USP32: variants seen among roughly 807,000 people sequenced by gnomAD.
USP32 encodes the protein ubiquitin specific peptidase 32, also known as ubiquitin carboxyl-terminal hydrolase 32.
USP32 carries 59 observed loss-of-function variants against 204.8 expected under a neutral mutation model. The observed-to-expected ratio is 0.29, with a 90% confidence interval of 0.23 to 0.36. USP32 has a LOEUF of 0.36. USP32 is among the 10% of genes least tolerant of loss of function. The probability of loss-of-function intolerance (pLI) is 1.00; values close to 1 mark genes in which losing one functional copy is unlikely to be tolerated. For synonymous variants in USP32, 517 were observed against 678.4 expected (o/e 0.76, Z 3.70); for missense variants, 1,160 against 1,946.4 (o/e 0.60, Z 7.60).
chr17:60,382,410 C>A (rs552235204), intron 1 of USP32, among the ~76,000 whole-genome samples: 2 of 152,272 alleles, frequency 1.3e-5, no homozygotes, highest in African/African-American at 4.8e-5. Flanking sequence ...AACCACCATG[C>A]CCAGCTAACA....
intron 26 of USP32, among the ~76,000 whole-genome samples, chr17:60,200,326 C>A (rs989333068): frequency 9.2e-5 from 14 of 152,058 alleles, no homozygotes; most frequent in Non-Finnish European, 1.6e-4. Context: ...CTTTGGGAGG[C>A]CAAGGTGGGT....
At position 60,250,959 on chromosome 17, in the gene USP32, T is replaced by A. The variant is rs571086790; in HGVS notation, c.1136+1422A>T. Reference sequence around the variant, plus strand: ...TTATTCCTTTCTTTTCTTTTTTTTTTTTTGAGAGAGTCTCACATTGTCACC... The same window carrying A: ...TTATTCCTTTCTTTTCTTTTTTTTTATTTGAGAGAGTCTCACATTGTCACC... On this transcript the variant is annotated intron_variant, in intron 11 of 33. Coordinates refer to ENST00000300896, the MANE Select transcript of USP32 (RefSeq NM_032582.4). Among the ~76,000 whole-genome samples the A allele has an allele frequency of 2.6e-5, 4 of 151,982 alleles. No individual in the cohort carries two copies. The South Asian group carries it at 8.3e-4, about 32-fold the overall frequency.
intron 1 of USP32, among the ~76,000 whole-genome samples, chr17:60,416,002 G>A (rs1346475111): frequency 6.6e-6 from 1 of 152,028 alleles, no homozygotes; most frequent in Non-Finnish European, 1.5e-5. Context: ...ACCACGCCCA[G>A]CTAATTTTTG....
chr17:60,343,413 C>T (rs2088707660), intron 2 of USP32, among the ~76,000 whole-genome samples: 1 of 152,138 alleles, frequency 6.6e-6, no homozygotes, highest in Non-Finnish European at 1.5e-5. Context: ...TAAAGCACTC[C>T]TCAGAAATGT....
At chr17:60,369,156 G>C (rs528254704) in intron 1 of USP32, among the ~76,000 whole-genome samples, 4 of 142,752 alleles carry the variant, frequency 2.8e-5, no homozygotes, top group African/African-American at 1.2e-4. Context: ...CACTACGCCC[G>C]GCTAATTTTT....
chr17:60,183,121 C>G, intron 31 of USP32, 44 bp downstream of exon 31: 2 of 1,549,516 alleles, frequency 1.3e-6, no homozygotes. Context: ...ATGTAGCCTA[C>G]AGGAGTCCCA....
At chr17:60,354,300 A>T (rs571228923) in intron 1 of USP32, among the ~76,000 whole-genome samples, 1 of 152,264 alleles carries the variant, frequency 6.6e-6, no homozygotes, top group East Asian at 1.9e-4. Context: ...CTATTTCTTT[A>T]AGACAGCCAA....
At chr17:60,197,268 G>A (rs190209909) in intron 27 of USP32, among the ~76,000 whole-genome samples, 6 of 151,750 alleles carry the variant, frequency 4.0e-5, no homozygotes, top group South Asian at 2.1e-4. Context: ...ACTTTTTTTA[G>A]TTACCATAAA....
chr17:60,331,822 T>C (rs1259416891), intron 2 of USP32, among the ~76,000 whole-genome samples: 1 of 148,506 alleles, frequency 6.7e-6, no homozygotes, highest in African/African-American at 2.5e-5. Context: ...CACTTGAGCT[T>C]GGGGAGGTCA....
intron 1 of USP32, among the ~76,000 whole-genome samples, chr17:60,379,456 A>C (rs1161231090): frequency 6.6e-6 from 1 of 152,160 alleles, no homozygotes; most frequent in Non-Finnish European, 1.5e-5. Context: ...TACCCTTTCA[A>C]AAGTTTAGCT....
chr17:60,334,426 T>C (rs1207773259), intron 2 of USP32, among the ~76,000 whole-genome samples: 1 of 152,192 alleles, frequency 6.6e-6, no homozygotes, highest in East Asian at 1.9e-4. Context: ...TTCTAAGCCA[T>C]GCGGCTCATC....
At position 60,205,609 on chromosome 17, in the gene USP32, A is replaced by G. The variant is rs1171163214; in HGVS notation, c.3087T>C (p.Asn1029=). 7 of 1,613,970 alleles carry G rather than the reference A, an allele frequency of 4.3e-6. No homozygotes were observed. Among genetic ancestry groups the G allele is most frequent in the South Asian group, 1.1e-5 (1 of 91,076 alleles). ...TGAATATTGGTCGGGGTAGGTCCCC[A>G]TTGGTAGTTAGGGTGAACATTTCAT... ...STNEMFTLTT[N]GDLPRPIFIP... is the part of the protein sequence containing the mutation. Residue 1029 remains asparagine (N), a synonymous_variant, in exon 26 of 34, where the codon AAT becomes AAC. Transcript: ENST00000300896.
At chr17:60,200,079 A>C (rs1330905606) in intron 26 of USP32, among the ~76,000 whole-genome samples, 2 of 152,144 alleles carry the variant, frequency 1.3e-5, no homozygotes, top group African/African-American at 2.4e-5. Context: ...CTGTAGTCCC[A>C]GCTACTCGGG....
chr17:60,216,803 G>A (rs2668995), intron 16 of USP32, among the ~76,000 whole-genome samples: 3 of 150,576 alleles, frequency 2.0e-5, no homozygotes, highest in South Asian at 2.1e-4. Context: ...ATCAGTTTTT[G>A]AACACATAGC....
intron 27 of USP32, among the ~76,000 whole-genome samples, chr17:60,194,800 T>C (rs2084471481): frequency 6.6e-6 from 1 of 152,194 alleles, no homozygotes; most frequent in African/African-American, 2.4e-5. Flanking sequence ...TACTTACTTA[T>C]TCGAACATCC....
rs2145849795 is a variant in USP32, at chr17:60,288,618, A to T, written c.476T>A (p.Phe159Tyr). 1 of 1,613,716 alleles carries T rather than the reference A, an allele frequency of 6.2e-7. No individual in the cohort carries two copies. The highest frequency in any genetic ancestry group is 1.3e-5 in the African/African-American group (1 of 75,004). Residue 159 changes from phenylalanine to tyrosine, a missense_variant, in exon 5 of 34, where the codon TTC becomes TAC. Coordinates refer to ENST00000300896, the MANE Select transcript of USP32 (RefSeq NM_032582.4). ...WLFLNKDAFT[F>Y]SRWLLSGGVY... ...ACCTCCAGATAGAAGCCATCGAGAG[A>T]AAGTAAAAGCATCTTTGTTTAGAAA... is the stretch of plus-strand genomic sequence containing the variant.
chr17:60,395,660 T>C (rs2089895579), upstream of USP32, among the ~76,000 whole-genome samples: 1 of 152,230 alleles, frequency 6.6e-6, no homozygotes, highest in Non-Finnish European at 1.5e-5. Flanking sequence ...CACTTTTAAG[T>C]AGTCAGTTGT....
At chr17:60,212,550 C>T (rs1394957306) in intron 18 of USP32, among the ~76,000 whole-genome samples, 2 of 151,850 alleles carry the variant, frequency 1.3e-5, no homozygotes, top group East Asian at 1.9e-4. Flanking sequence ...CTGTAATTGG[C>T]TCTAAAACCA....
intron 1 of USP32, among the ~76,000 whole-genome samples, chr17:60,377,001 A>G (rs1414027973): frequency 6.6e-6 from 1 of 152,234 alleles, no homozygotes; most frequent in East Asian, 1.9e-4. Flanking sequence ...CATTGTCATA[A>G]TAAACTTTTG....
Sources: gnomAD v4.1 joint callset for allele counts (sites outside exome capture counted in the v4.1 genomes callset) on GRCh38, gnomAD v4.1.1 for gene constraint, MANE v1.5 for transcripts, NCBI Gene and HGNC (gene_info 2026-07-23, HGNC 2026-07-21) for gene names.